The following ZNF516 variants were observed in gnomAD, a reference collection of about 807,000 sequenced individuals.
The protein encoded by ZNF516 is zinc finger protein 516.
A neutral mutation model predicts 79.7 loss-of-function variants in ZNF516; 19 were observed. The ratio of observed to expected loss-of-function variants is 0.24; its 90% confidence interval spans 0.17 to 0.35. The LOEUF is 0.35. Ranked by LOEUF, ZNF516 falls within the 10% of genes least tolerant of loss-of-function variation. The pLI, the probability that ZNF516 is intolerant of heterozygous loss-of-function variation, is 1.00. For synonymous variants in ZNF516, 877 were observed against 739.5 expected, an observed-to-expected ratio of 1.19 and a Z score of -3.02; for missense variants, 1,678 against 1,679.5, an observed-to-expected ratio of 1.00 and a Z score of 0.02.
intron 4 of ZNF516, chr18:76,378,250 A>G (rs1450061392): frequency 6.6e-6 from 1 of 152,278 alleles, no homozygotes; most frequent in Non-Finnish European, 1.5e-5. Context: ...ACTAAGGCAG[A>G]GGGAGAAGGG....
At chr18:76,406,730 G>C (rs2075309045) in intron 3 of ZNF516, among the ~76,000 whole-genome samples, 3 of 152,164 alleles carry the variant, frequency 2.0e-5, no homozygotes, top group Admixed American at 2.0e-4. Flanking sequence ...AGACCTAAGA[G>C]ATGTCAAAGT....
At chr18:76,476,573 T>C (rs1914187090) in intron 1 of ZNF516, among the ~76,000 whole-genome samples, 1 of 152,218 alleles carries the variant, frequency 6.6e-6, no homozygotes, top group Admixed American at 6.5e-5. Context: ...GTGTACATTC[T>C]AAGCTCCAAC....
intron 2 of ZNF516, among the ~76,000 whole-genome samples, chr18:76,446,191 C>G (rs952316070): frequency 6.6e-6 from 1 of 152,170 alleles, no homozygotes; most frequent in Non-Finnish European, 1.5e-5. Flanking sequence ...CACATGTCAC[C>G]GAAGCCCCTT....
In ZNF516 at chr18:76,451,078, A is replaced by G. The variant is rs1324654542; in HGVS notation, c.-157-7867T>C. Among the ~76,000 whole-genome samples, 1 of 152,202 alleles carries G rather than the reference A, an allele frequency of 6.6e-6. No homozygotes were observed. Among genetic ancestry groups the G allele is most frequent in the Non-Finnish European group, 1.5e-5 (1 of 68,028 alleles). On this transcript the variant is annotated intron_variant, in intron 2 of 6. Transcript: ENST00000443185. This position sits in a 1 kb window ranked among gnomAD's most constrained non-coding sequence, Gnocchi z 6.0. ...CACCAGGGAGGAACAAAGGAGCGAG[A>G]GGAAAACTGAAAGTCCCGTTTCCTG... is the stretch of plus-strand genomic sequence containing the variant.
At chr18:76,428,392 C>CA (rs10552608) in intron 3 of ZNF516, among the ~76,000 whole-genome samples, 5 of 136,542 alleles carry the variant, frequency 3.7e-5, no homozygotes, top group African/African-American at 1.1e-4. Flanking sequence ...GATTCTGTCT[C>CA]AAAAAAAAAA....
intron 3 of ZNF516, among the ~76,000 whole-genome samples, chr18:76,390,086 C>T (rs1390556454): frequency 6.6e-6 from 1 of 152,198 alleles, no homozygotes; most frequent in Non-Finnish European, 1.5e-5. Flanking sequence ...CTTTGAGTAA[C>T]TGGGCTCTTC....
chr18:76,477,082 T>C (rs534752347), intron 1 of ZNF516, among the ~76,000 whole-genome samples: 3 of 152,344 alleles, frequency 2.0e-5, no homozygotes, highest in African/African-American at 7.2e-5. Context: ...GCACTGTTTT[T>C]GCTGAGTCAC....
At chr18:76,473,252 CAAGT>C (rs1913949787) in intron 1 of ZNF516, among the ~76,000 whole-genome samples, 1 of 142,558 alleles carries the variant, frequency 7.0e-6, no homozygotes, top group Non-Finnish European at 1.5e-5. Context: ...GAAAGAAGAC[CAAGT>C]AAGTCAGTTT....
In ZNF516 at chr18:76,459,470, CCT is replaced by C. The variant is rs1427977704; in HGVS notation, c.-158+3556_-158+3557del. 6.6e-5 allele frequency among the ~76,000 whole-genome samples: 10 copies of C among 152,258 alleles called. No individual in the cohort carries two copies. Among genetic ancestry groups the C allele is most frequent in the Non-Finnish European group, 1.3e-4 (9 of 68,048 alleles). ...GGGAGGCCTCGCGTGCCAAGCTGGC[CCT>C]GAGCTCAGCCCAGGATTTGTGCCAT... On this transcript the variant is annotated intron_variant, in intron 2 of 6. Coordinates refer to ENST00000443185, the MANE Select transcript of ZNF516 (RefSeq NM_014643.4). This position sits in a 1 kb window ranked among gnomAD's most constrained non-coding sequence, Gnocchi z 5.0.
At chr18:76,372,411 G>A (rs1041184024) in intron 4 of ZNF516, among the ~76,000 whole-genome samples, 9 of 152,150 alleles carry the variant, frequency 5.9e-5, no homozygotes, top group Non-Finnish European at 1.2e-4. Flanking sequence ...ATGCGCAATA[G>A]TAACTCAACT....
Position 76,380,057 on chromosome 18 carries a change from A to G in ZNF516, c.2057T>C (p.Val686Ala). 1 of 1,613,904 alleles carries G rather than the reference A, an allele frequency of 6.2e-7. No homozygotes were observed. Among genetic ancestry groups the G allele is most frequent in the South Asian group, 1.1e-5 (1 of 91,078 alleles). The part of the protein sequence containing the change: ...PAFHPKQEVP[V>A]PGDGVEFPSS... The stretch of plus-strand genomic sequence containing the variant: ...AGGGAACTCCACACCATCACCAGGG[A>G]CGGGCACCTCCTGCTTGGGGTGAAA... The change falls in exon 4 of 7, where the codon GTC becomes GCC. Residue 686 changes from valine (V) to alanine (A), a missense_variant. By Grantham distance (64) the Val-to-Ala change is moderately conservative. This residue lies in a region of ZNF516 where 1,294 missense variants were observed against 1,248.3 expected (regional missense o/e 1.04). Transcript: ENST00000443185.
At chr18:76,458,768 G>T (rs1373256305) in intron 2 of ZNF516, among the ~76,000 whole-genome samples, 2 of 137,792 alleles carry the variant, frequency 1.5e-5, no homozygotes, top group East Asian at 2.0e-4. Context: ...GCGTGTGTGT[G>T]CCTCGTGTGC....
At chr18:76,454,084 G>A (rs1184226731) in intron 2 of ZNF516, among the ~76,000 whole-genome samples, 2 of 152,180 alleles carry the variant, frequency 1.3e-5, no homozygotes, top group African/African-American at 4.8e-5. Flanking sequence ...ATGAAAGAAA[G>A]AACTGTGCCC....
chr18:76,436,666 C>A (rs1463692953), intron 3 of ZNF516, among the ~76,000 whole-genome samples: 1 of 152,158 alleles, frequency 6.6e-6, no homozygotes, highest in Non-Finnish European at 1.5e-5. Context: ...AGGTTGCCCA[C>A]ACCCAGCAGG....
chr18:76,366,679 G>C (rs1162905833), intron 6 of ZNF516, among the ~76,000 whole-genome samples: 1 of 152,170 alleles, frequency 6.6e-6, no homozygotes, highest in Non-Finnish European at 1.5e-5. Context: ...CCACAGAAAG[G>C]CTCTCCAAGT....
At position 76,429,947 on chromosome 18, in the gene ZNF516, T is replaced by C. The variant is rs2075641235; in HGVS notation, c.1810+11298A>G. 2.0e-5 allele frequency among the ~76,000 whole-genome samples: 3 copies of C among 152,056 alleles called. No homozygotes were observed. In the South Asian group the frequency reaches 6.2e-4, roughly 31 times the overall value. ...CTAAGTGGAGTGTAGGCTATCACCA[T>C]AGAAACCGCAGAGACTCTGTCTTGC... On this transcript the variant is annotated intron_variant, in intron 3 of 6. Coordinates refer to ENST00000443185, the MANE Select transcript of ZNF516 (RefSeq NM_014643.4).
chr18:76,368,633 G>A (rs1187231917), intron 6 of ZNF516, among the ~76,000 whole-genome samples: 1 of 152,080 alleles, frequency 6.6e-6, no homozygotes, highest in African/African-American at 2.4e-5. Context: ...TAAGAGGATA[G>A]TTGGTATGAA....
rs1568241546 is a variant in ZNF516 at position 76,379,966 on chromosome 18, C to T, written c.2148G>A (p.Lys716=). The T allele has an allele frequency of 8.7e-6, 14 of 1,613,886 alleles. No homozygotes were observed. The highest frequency in any genetic ancestry group is 3.3e-5 in the South Asian group (3 of 91,092). Residue 716 remains lysine (K), a synonymous_variant, in exon 4 of 7, where the codon AAG becomes AAA. Transcript: ENST00000443185. The stretch of plus-strand genomic sequence containing the variant: ...CCCGCTTCCCTCCCCCAGAGTGTTC[C>T]TTGTTGTGCAAATCGGACAGCTTTT... ...PAEKLSDLHN[K]EHSGGGKRAL...
At position 76,360,817 on chromosome 18, in the gene ZNF516, ATAATAT is replaced by A. The variant is rs2074525456; in HGVS notation, c.*1675_*1680del. Reference sequence around the variant, plus strand: ...AACAATAATAATAATAATAATAATAATAATATAATAATATTCAACAAATCATTAGAA... The same window carrying A: ...AACAATAATAATAATAATAATAATAAAATAATATTCAACAAATCATTAGAA... On this transcript the variant is annotated 3_prime_UTR_variant, in exon 7 of 7. Transcript: ENST00000443185. 7.1e-6 allele frequency: 1 copy of A among 141,536 alleles called. No individual in the cohort carries two copies. The highest frequency in any genetic ancestry group is 1.5e-5 in the Non-Finnish European group (1 of 65,754). The allele number at this position is 141,536 out of a possible 1,614,324, so 8.8% of individuals were successfully genotyped here. A position where few individuals can be genotyped will look rare whatever the true frequency, so the allele number is the denominator to read the frequency against.
Sources: allele counts gnomAD v4.1 joint callset (sites outside exome capture counted in the v4.1 genomes callset), GRCh38; gene constraint gnomAD v4.1.1; regional missense constraint gnomAD v4.1.1; non-coding constraint Gnocchi (gnomAD v3.1); transcripts MANE v1.5; gene names NCBI Gene and HGNC (gene_info 2026-07-23, HGNC 2026-07-21).